The following TNRC6B variants were observed in gnomAD, a reference collection of about 807,000 sequenced individuals.
TNRC6B encodes trinucleotide repeat containing adaptor 6B, also known as trinucleotide repeat-containing gene 6B protein.
In TNRC6B, 52 loss-of-function variants were observed where a neutral mutation model predicts 203.6. The observed-to-expected ratio is 0.26, with a 90% CI of 0.20 to 0.32. The LOEUF (loss-of-function observed/expected upper bound fraction) is 0.32, where lower values mean the gene tolerates loss of function less well. Among genes scored for constraint, TNRC6B ranks in the 10% least tolerant of loss-of-function variants. The pLI is 1.00. For synonymous variants in TNRC6B, 838 were observed against 845.7 expected, an observed-to-expected ratio of 0.99 and a Z score of 0.16; for missense variants, 1,923 against 2,286.2, an observed-to-expected ratio of 0.84 and a Z score of 3.24.
intron 1 of TNRC6B, among the ~76,000 whole-genome samples, chr22:40,061,035 T>G (rs2067845709): frequency 6.6e-6 from 1 of 152,224 alleles, no homozygotes. Flanking sequence ...CCAACCTTTT[T>G]GCAAGCCGAC....
intron 1 of TNRC6B, among the ~76,000 whole-genome samples, chr22:40,214,517 G>A (rs1405343550): frequency 6.6e-6 from 1 of 151,456 alleles, no homozygotes; most frequent in Non-Finnish European, 1.5e-5. Context: ...CAGAATCTCT[G>A]TGTGGTATTC....
chr22:40,142,166 C>T (rs560706832), intron 3 of TNRC6B, among the ~76,000 whole-genome samples: 40 of 152,014 alleles, frequency 2.6e-4, no homozygotes, highest in African/African-American at 7.0e-4. Flanking sequence ...TCAAAGGATC[C>T]GCCCACCTCA....
intron 21 of TNRC6B, among the ~76,000 whole-genome samples, chr22:40,319,496 G>A (rs1039476173): frequency 6.9e-6 from 1 of 144,076 alleles, no homozygotes; most frequent in Non-Finnish European, 1.5e-5. Context: ...CGCGATCTCC[G>A]CTCACTGCAA....
chr22:40,066,441 G>A (rs981236279), intron 1 of TNRC6B, among the ~76,000 whole-genome samples: 1 of 152,084 alleles, frequency 6.6e-6, no homozygotes, highest in Non-Finnish European at 1.5e-5. Context: ...ATTTCCGTAG[G>A]GGGAATATCT....
chr22:40,320,966 T>C, intron 21 of TNRC6B, 124 bp from the exon 22 acceptor site: 2 of 1,076,850 alleles, frequency 1.9e-6, no homozygotes, highest in Non-Finnish European at 1.4e-6. Context: ...TGTTTTGAGC[T>C]GCATTTATGG....
At chr22:40,170,324 ATATATATT>A (rs1294162799) in intron 4 of TNRC6B, among the ~76,000 whole-genome samples, 8 of 112,694 alleles carry the variant, frequency 7.1e-5, no homozygotes, top group Admixed American at 1.2e-4. Context: ...TATATATATT[ATATATATT>A]ATATATAGTT....
At chr22:40,219,091 A>G (rs1225199189) in intron 1 of TNRC6B, among the ~76,000 whole-genome samples, 1 of 152,168 alleles carries the variant, frequency 6.6e-6, no homozygotes, top group African/African-American at 2.4e-5. Flanking sequence ...ACCTAATGAA[A>G]AGTCAAATGG....
At chr22:40,274,134 G>A (rs1479057565) in intron 7 of TNRC6B, among the ~76,000 whole-genome samples, 2 of 152,056 alleles carry the variant, frequency 1.3e-5, no homozygotes, top group South Asian at 2.1e-4. Flanking sequence ...TCAAAGATAC[G>A]AGATATTTTT....
At chr22:40,251,616 G>A (rs2070195700) in intron 3 of TNRC6B, among the ~76,000 whole-genome samples, 1 of 152,076 alleles carries the variant, frequency 6.6e-6, no homozygotes, top group Admixed American at 6.5e-5. Context: ...CTCCTTGGGA[G>A]GCTGAGGCAT....
intron 1 of TNRC6B, among the ~76,000 whole-genome samples, chr22:40,202,989 A>G (rs890982462): frequency 5.3e-5 from 8 of 152,118 alleles, no homozygotes; most frequent in African/African-American, 1.9e-4. Flanking sequence ...ACTTCAGGCC[A>G]TTGTCTTAGA....
At chr22:40,229,084 T>G in intron 1 of TNRC6B, among the ~76,000 whole-genome samples, 1 of 152,192 alleles carries the variant, frequency 6.6e-6, no homozygotes, top group East Asian at 1.9e-4. Context: ...TTCAATTGCC[T>G]TATAAACACA....
chr22:40,248,746 A>G (rs891579553), intron 2 of TNRC6B, among the ~76,000 whole-genome samples: 11 of 152,208 alleles, frequency 7.2e-5, no homozygotes, highest in African/African-American at 2.7e-4. Context: ...CGTAAATAAA[A>G]TTTTTAAGTG....
At chr22:40,083,006 A>G (rs1448854824) in intron 1 of TNRC6B, among the ~76,000 whole-genome samples, 1 of 152,390 alleles carries the variant, frequency 6.6e-6, no homozygotes, top group East Asian at 1.9e-4. Flanking sequence ...AAAGTTCCCA[A>G]CTACAGATAT....
At chr22:40,271,650 G>T (rs1433237484) in intron 6 of TNRC6B, among the ~76,000 whole-genome samples, 1 of 151,988 alleles carries the variant, frequency 6.6e-6, no homozygotes, top group African/African-American at 2.4e-5. Flanking sequence ...TCAGACCCTG[G>T]GCACAAAGAG....
At chr22:40,310,676 C>T (rs1281659303) in intron 16 of TNRC6B, 141 bp from the exon 17 acceptor site, 4 of 833,258 alleles carry the variant, frequency 4.8e-6, no homozygotes, top group Admixed American at 3.3e-5. Context: ...TGCTGAGTCT[C>T]GAATGCAACC....
At chr22:40,276,620 A>G (rs1169982045) in intron 7 of TNRC6B, among the ~76,000 whole-genome samples, 2 of 152,240 alleles carry the variant, frequency 1.3e-5, no homozygotes, top group African/African-American at 4.8e-5. Flanking sequence ...GCTGTGAAAC[A>G]AACAGAGGAA....
chr22:40,044,999 G>A lies in TNRC6B; in HGVS notation c.-121+1G>A, dbSNP rs1289069879. On this transcript the variant is annotated splice_donor_variant, in intron 1 of 23. Coordinates refer to the TNRC6B transcript ENST00000301923. LOFTEE classifies it low-confidence loss of function (5UTR_SPLICE). ...CACTCGGAGCCGGCACGGCTCGGCGGTGAGTGAGGTGCGGCGGCCGCGCCG... is the reference window on the plus strand; with the variant it reads ...CACTCGGAGCCGGCACGGCTCGGCGATGAGTGAGGTGCGGCGGCCGCGCCG... 1.3e-5 allele frequency: 2 copies of A among 150,674 alleles called. No individual in the cohort carries two copies. Among genetic ancestry groups the A allele is most frequent in the Non-Finnish European group, 3.0e-5 (2 of 67,286 alleles). The allele number at this position is 150,674 out of a possible 1,614,324, so 9.3% of individuals were successfully genotyped here. A position where few individuals can be genotyped will look rare whatever the true frequency, so the allele number is the denominator to read the frequency against.
intron 3 of TNRC6B, among the ~76,000 whole-genome samples, chr22:40,255,793 G>A (rs1445601554): frequency 6.6e-6 from 1 of 152,196 alleles, no homozygotes; most frequent in Admixed American, 6.5e-5. Flanking sequence ...TGCAGGAAGT[G>A]TAAATCCCTT....
chr22:40,335,431 G>A lies in TNRC6B; in HGVS notation c.*12190G>A, dbSNP rs966964663. On this transcript the variant is annotated 3_prime_UTR_variant, in exon 23 of 23. Transcript: ENST00000454349. Reference sequence around the variant, plus strand: ...AATAAGCTGAAAAGTTGCATTTTATGTGTATTTTTTGCCATAGCAGGTACT... The same window carrying A: ...AATAAGCTGAAAAGTTGCATTTTATATGTATTTTTTGCCATAGCAGGTACT... 6.7e-6 allele frequency: 1 copy of A among 148,708 alleles called. No homozygotes were observed. Among genetic ancestry groups the A allele is most frequent in the Admixed American group, 6.7e-5 (1 of 14,842 alleles). The allele number at this position is 148,708 out of a possible 1,614,324, so 9.2% of individuals were successfully genotyped here. A position where few individuals can be genotyped will look rare whatever the true frequency, so the allele number is the denominator to read the frequency against.
Sources: allele counts gnomAD v4.1 joint callset (sites outside exome capture counted in the v4.1 genomes callset), GRCh38; gene constraint gnomAD v4.1.1; transcripts MANE v1.5; gene names NCBI Gene and HGNC (gene_info 2026-07-23, HGNC 2026-07-21).